Variants in HECW1 observed in about 807,000 individuals in gnomAD.
HECW1 encodes the protein E3 ubiquitin-protein ligase HECW1.
Under a neutral mutation model 182.3 loss-of-function variants are expected in HECW1, and 61 were observed. The ratio of observed to expected loss-of-function variants is 0.33; its 90% CI spans 0.27 to 0.41. The LOEUF (loss-of-function observed/expected upper bound fraction) is 0.41, where lower values mean the gene tolerates loss of function less well. Among genes scored for constraint, HECW1 ranks in the 10% least tolerant of loss-of-function variants. HECW1 has a pLI of 1.00. For synonymous variants in HECW1, 859 were observed against 832.6 expected (o/e 1.03, Z -0.55); for missense variants, 1,739 against 2,108.9 (o/e 0.82, Z 3.44).
chr7:43,346,312 T>G (rs193026340), intron 5 of HECW1, among the ~76,000 whole-genome samples: 96 of 152,386 alleles, frequency 6.3e-4, no homozygotes, highest in Admixed American at 1.7e-3. Context: ...AATTGTCTAT[T>G]CACGTCCTTA....
intron 2 of HECW1, among the ~76,000 whole-genome samples, chr7:43,172,986 C>A (rs892164234): frequency 6.6e-6 from 1 of 152,224 alleles, no homozygotes; most frequent in Non-Finnish European, 1.5e-5. Flanking sequence ...ATTCCTAATC[C>A]TGAGTCTCTC....
At chr7:43,254,943 A>G (rs1584198883) in intron 3 of HECW1, among the ~76,000 whole-genome samples, 2 of 152,036 alleles carry the variant, frequency 1.3e-5, no homozygotes, top group East Asian at 3.9e-4. Context: ...TCCCCTCATC[A>G]CCTTTTCTAT....
Position 43,539,298 on chromosome 7 carries a change from T to C in HECW1, c.4020-1865T>C, listed in dbSNP as rs1286967086. Among the ~76,000 whole-genome samples, 6 of 152,332 alleles carry C rather than the reference T, an allele frequency of 3.9e-5. No homozygotes were observed. The East Asian group carries it at 1.2e-3, about 29-fold the overall frequency. On this transcript the variant is annotated intron_variant, in intron 24 of 29. Transcript: ENST00000395891. ...TGATGAATTAAGAAGTTTTCCACCC[T>C]TTTCTGATTTCTGGAACTGTTGAAA...
In HECW1 at chr7:43,243,821, G is replaced by T; in HGVS notation, c.-31-54G>T. The T allele has an allele frequency of 4.4e-6, 6 of 1,354,232 alleles. No homozygotes were observed. Among genetic ancestry groups the T allele is most frequent in the Non-Finnish European group, 6.4e-6 (6 of 942,996 alleles). 83.9% of individuals were successfully genotyped at this position (1,354,232 alleles called of 1,614,324 possible). A position where few individuals can be genotyped will look rare whatever the true frequency, so the allele number is the denominator to read the frequency against. On this transcript the variant is annotated intron_variant, in intron 2 of 29. Coordinates refer to ENST00000395891, the MANE Select transcript of HECW1 (RefSeq NM_015052.5). This position sits in a 1 kb window ranked among gnomAD's most constrained non-coding sequence, Gnocchi z 4.0. ...TGTTGTTTGTGTGGGTAATGTTGCT[G>T]ATTTTGTTTGCTTGGGATACACGCT...
At chr7:43,134,698 C>T (rs1163489018) in intron 2 of HECW1, among the ~76,000 whole-genome samples, 1 of 143,058 alleles carries the variant, frequency 7.0e-6, no homozygotes, top group Non-Finnish European at 1.5e-5. Context: ...GGCATATTTT[C>T]CTCAATCTTT....
At chr7:43,194,237 A>AT (rs1247390810) in intron 2 of HECW1, among the ~76,000 whole-genome samples, 5 of 151,942 alleles carry the variant, frequency 3.3e-5, no homozygotes, top group East Asian at 3.9e-4. Context: ...TTGGAATTCT[A>AT]TTTTTTTGGT....
chr7:43,129,289 C>A (rs1311821233), intron 2 of HECW1, among the ~76,000 whole-genome samples: 1 of 152,166 alleles, frequency 6.6e-6, no homozygotes, highest in Admixed American at 6.5e-5. Context: ...GGTCACCCAA[C>A]CTTCAGTAAC....
At chr7:43,396,213 A>G (rs1475818112) in intron 6 of HECW1, among the ~76,000 whole-genome samples, 1 of 152,244 alleles carries the variant, frequency 6.6e-6, no homozygotes, top group Admixed American at 6.5e-5. Flanking sequence ...AAAACATTTT[A>G]GCAACATTGT....
intron 2 of HECW1, among the ~76,000 whole-genome samples, chr7:43,174,868 C>G (rs1792055708): frequency 6.6e-6 from 1 of 152,174 alleles, no homozygotes; most frequent in Non-Finnish European, 1.5e-5. Flanking sequence ...GTGCCCCTAA[C>G]AGCAACTCAG....
intron 7 of HECW1, among the ~76,000 whole-genome samples, chr7:43,405,629 T>G (rs1208202649): frequency 2.0e-5 from 3 of 152,106 alleles, no homozygotes; most frequent in Non-Finnish European, 2.9e-5. Context: ...TGTGTGCATC[T>G]TCTGCTTAGC....
chr7:43,232,292 CA>C (rs1797956732), intron 2 of HECW1, among the ~76,000 whole-genome samples: 1 of 152,184 alleles, frequency 6.6e-6, no homozygotes, highest in Non-Finnish European at 1.5e-5. Flanking sequence ...AACCCTCCTT[CA>C]AAGTAGGTCA....
At chr7:43,195,634 T>C (rs746102996) in intron 2 of HECW1, among the ~76,000 whole-genome samples, 36 of 152,190 alleles carry the variant, frequency 2.4e-4, no homozygotes, top group Admixed American at 2.3e-3. Flanking sequence ...CTCAAGCCGA[T>C]GTCCAGACTT....
rs1205776925 is a variant in HECW1, at chr7:43,508,094, C to A, written c.3829C>A (p.Arg1277=). The A allele has an allele frequency of 3.1e-6, 5 of 1,613,898 alleles. No homozygotes were observed. Among genetic ancestry groups the A allele is most frequent in the South Asian group, 2.2e-5 (2 of 91,076 alleles). The change falls in exon 23 of 30, where the codon CGA becomes AGA. Residue 1277 remains arginine (R), a synonymous_variant. Transcript: ENST00000395891. The stretch of plus-strand genomic sequence containing the variant: ...GGCCTATTCGCGGAAAGAGCTCCAG[C>A]GAAACAAGCTCTACGTCACCTTTGT... ...VMAYSRKELQ[R]NKLYVTFVGE... is the part of the protein sequence containing the mutation.
chr7:43,177,546 T>A (rs1010027936), intron 2 of HECW1, among the ~76,000 whole-genome samples: 2 of 152,326 alleles, frequency 1.3e-5, no homozygotes, highest in East Asian at 3.9e-4. Flanking sequence ...TCTCCATGTA[T>A]TGTGGTTTTA....
rs2080635605 is a variant in HECW1 at position 43,523,803 on chromosome 7, C to T, written c.4019+14682C>T. Among the ~76,000 whole-genome samples, 3 of 151,978 alleles carry T rather than the reference C, an allele frequency of 2.0e-5. No homozygotes were observed. In the South Asian group the frequency reaches 6.2e-4, roughly 32 times the overall value. On this transcript the variant is annotated intron_variant, in intron 24 of 29. Coordinates refer to ENST00000395891, the MANE Select transcript of HECW1 (RefSeq NM_015052.5). ...GGGATTAGATAAAAAGAAGACCCCC[C>T]CAATTAGTGGGGTGTAAGGAGGCAA...
intron 5 of HECW1, among the ~76,000 whole-genome samples, chr7:43,355,987 A>C (rs1277601694): frequency 2.0e-5 from 3 of 149,292 alleles, no homozygotes; most frequent in Non-Finnish European, 4.4e-5. Context: ...GACTCCGTTA[A>C]AAAAATAAAT....
intron 3 of HECW1, among the ~76,000 whole-genome samples, chr7:43,258,082 G>A (rs572984301): frequency 6.6e-6 from 1 of 152,302 alleles, no homozygotes; most frequent in East Asian, 1.9e-4. Flanking sequence ...GCTCACGCCT[G>A]TAATCTCAGC....
intron 2 of HECW1, among the ~76,000 whole-genome samples, chr7:43,155,916 T>G (rs1789832218): frequency 6.6e-6 from 1 of 152,210 alleles, no homozygotes; most frequent in Admixed American, 6.5e-5. Flanking sequence ...CTTTTGTTCA[T>G]GGACAGAACC....
intron 6 of HECW1, among the ~76,000 whole-genome samples, chr7:43,365,288 C>T (rs1398926775): frequency 6.6e-6 from 1 of 152,228 alleles, no homozygotes; most frequent in Non-Finnish European, 1.5e-5. Context: ...TGAGACCCTC[C>T]CTACAGAGCG....
Sources: gnomAD v4.1 joint callset for allele counts (sites outside exome capture counted in the v4.1 genomes callset) on GRCh38, gnomAD v4.1.1 for gene constraint, Gnocchi (gnomAD v3.1) non-coding constraint, MANE v1.5 for transcripts, NCBI Gene and HGNC (gene_info 2026-07-23, HGNC 2026-07-21) for gene names.